The following AKAP13 variants were observed in gnomAD, a reference collection of about 807,000 sequenced individuals.
AKAP13 encodes A-kinase anchor protein 13.
Under a neutral mutation model 264.5 loss-of-function variants are expected in AKAP13, and 80 were observed. That is an observed-to-expected ratio of 0.30 (90% CI 0.25 to 0.36). The LOEUF (loss-of-function observed/expected upper bound fraction) is 0.36. AKAP13 is among the 10% of genes least tolerant of loss of function. The pLI, the probability that AKAP13 is intolerant of heterozygous loss-of-function variation, is 1.00. For missense variants in AKAP13, 3,712 were observed against 3,435.2 expected (o/e 1.08, Z -2.01); for synonymous variants, 1,380 against 1,250.2 (o/e 1.10, Z -2.19).
intron 16 of AKAP13, chr15:85,685,443 TTAAA>T (rs2084845610): frequency 6.6e-6 from 1 of 151,428 alleles, no homozygotes. Flanking sequence ...GATTAAGAGA[TTAAA>T]TAAATGTTTA....
Position 85,581,891 on chromosome 15 carries a change from G to A in AKAP13, c.3823G>A (p.Ala1275Thr). The A allele has an allele frequency of 6.2e-7, 1 of 1,614,166 alleles. No individual in the cohort carries two copies. Among genetic ancestry groups the A allele is most frequent in the Non-Finnish European group, 8.5e-7 (1 of 1,180,006 alleles). Residue 1275 changes from alanine (A) to threonine (T), a missense_variant, in exon 7 of 37, where the codon GCC becomes ACC. Transcript: ENST00000394518. ...TGGAGCACTGCTTACTGAGGGGGAG[G>A]CCTGTCACATGTCACTGTCCAGCCC... is the stretch of plus-strand genomic sequence containing the variant. ...AAGALLTEGE[A>T]CHMSLSSPEL... is the part of the protein sequence containing the mutation.
rs139090222 is a variant in AKAP13, at chr15:85,694,624, G to A, written c.5464+1173G>A. 8.0e-3 allele frequency among the ~76,000 whole-genome samples: 1,220 copies of A among 152,310 alleles called. 16 individuals are homozygous for A. Among genetic ancestry groups the A allele is most frequent in the African/African-American group, 0.027 (1,128 of 41,576 alleles). ...TTAGCCCACAGACCATAATTTGCAC[G>A]TTTTTGCTGTAAGGCAGTGCATCTC... On this transcript the variant is annotated intron_variant, in intron 17 of 36. Coordinates refer to ENST00000394518, the MANE Select transcript of AKAP13 (RefSeq NM_007200.5).
intron 3 of AKAP13, among the ~76,000 whole-genome samples, chr15:85,525,251 G>C (rs1487341975): frequency 6.6e-6 from 1 of 151,802 alleles, no homozygotes; most frequent in African/African-American, 2.4e-5. Context: ...GTAGAGACAG[G>C]GTTTCACCGT....
chr15:85,503,530 A>T (rs558813585), intron 2 of AKAP13, among the ~76,000 whole-genome samples: 4 of 152,210 alleles, frequency 2.6e-5, no homozygotes, highest in African/African-American at 7.2e-5. Context: ...GTTAGGAATG[A>T]TGTGTGACCA....
In AKAP13 at chr15:85,746,313, GT is replaced by G; in HGVS notation, c.*1645del. ...TTATTGTATTTGTGTGTTTGTGTTT[GT>G]TTTTTTTTAAGGGTGAGCCAGGTCT... On this transcript the variant is annotated 3_prime_UTR_variant, in exon 37 of 37. Coordinates refer to ENST00000394518, the MANE Select transcript of AKAP13 (RefSeq NM_007200.5). 1 of 151,074 alleles carries G rather than the reference GT, an allele frequency of 6.6e-6. No homozygotes were observed. The highest frequency in any genetic ancestry group is 1.5e-5 in the Non-Finnish European group (1 of 67,610). The allele number at this position is 151,074 out of a possible 1,614,324, so 9.4% of individuals were successfully genotyped here. A position where few individuals can be genotyped will look rare whatever the true frequency, so the allele number is the denominator to read the frequency against.
At chr15:85,571,701 A>G (rs1030783438) in intron 5 of AKAP13, among the ~76,000 whole-genome samples, 2 of 152,250 alleles carry the variant, frequency 1.3e-5, no homozygotes, top group Non-Finnish European at 2.9e-5. Flanking sequence ...TGTTCGACAG[A>G]ACAGGGATTT....
rs1428228736 is a variant in AKAP13 at position 85,579,637 on chromosome 15, C to T, written c.1569C>T (p.Val523=). The change falls in exon 7 of 37, where the codon GTC becomes GTT. Residue 523 remains valine (V), a synonymous_variant. Coordinates refer to ENST00000394518, the MANE Select transcript of AKAP13 (RefSeq NM_007200.5). ...IGTAGASDVH[V]TSKPVDKISV... is the part of the protein sequence containing the mutation. ...CAGCTGGAGCCTCTGACGTGCACGTCACAAGTAAGCCTGTGGATAAAATCA... is the reference window on the plus strand; with the variant it reads ...CAGCTGGAGCCTCTGACGTGCACGTTACAAGTAAGCCTGTGGATAAAATCA... 19 of 1,614,216 alleles carry T rather than the reference C, an allele frequency of 1.2e-5. No individual in the cohort carries two copies. Among genetic ancestry groups the T allele is most frequent in the Non-Finnish European group, 1.6e-5 (19 of 1,180,040 alleles).
At chr15:85,545,717 G>A (rs912459687) in intron 5 of AKAP13, among the ~76,000 whole-genome samples, 1 of 152,202 alleles carries the variant, frequency 6.6e-6, no homozygotes, top group African/African-American at 2.4e-5. Context: ...GGGGGCGATT[G>A]TCCCAAATCA....
chr15:85,506,573 CAGAAAGTA>C (rs1359011753), intron 2 of AKAP13, among the ~76,000 whole-genome samples: 2 of 151,858 alleles, frequency 1.3e-5, no homozygotes, highest in Non-Finnish European at 2.9e-5. Flanking sequence ...AAATACGTGT[CAGAAAGTA>C]AATGATGCTA....
chr15:85,449,233 C>G (rs1309352532), intron 1 of AKAP13, among the ~76,000 whole-genome samples: 2 of 151,968 alleles, frequency 1.3e-5, no homozygotes, highest in Non-Finnish European at 2.9e-5. Flanking sequence ...GATTTGGTTG[C>G]TGTTGGTATA....
chr15:85,538,885 C>T (rs551866596), intron 4 of AKAP13, among the ~76,000 whole-genome samples: 2 of 150,188 alleles, frequency 1.3e-5, no homozygotes, highest in South Asian at 2.1e-4. Context: ...GGCTAGAGTG[C>T]AGTGGTGCGA....
At position 85,702,027 on chromosome 15, in the gene AKAP13, C is replaced by T. The variant is rs144758441; in HGVS notation, c.5465-5992C>T. The T allele has an allele frequency of 5.4e-3, 826 of 152,070 alleles. 2 individuals carry two copies. The highest frequency in any genetic ancestry group is 9.5e-3 in the Non-Finnish European group (644 of 68,020). 9.4% of individuals were successfully genotyped at this position (152,070 alleles called of 1,614,324 possible). A position where few individuals can be genotyped will look rare whatever the true frequency, so the allele number is the denominator to read the frequency against. Reference sequence around the variant, plus strand: ...TTAGGAGGGCAAGGCAGGTGGATCACGAGATCAGGCGTTCAAGACCAGCCT... The same window carrying T: ...TTAGGAGGGCAAGGCAGGTGGATCATGAGATCAGGCGTTCAAGACCAGCCT... On this transcript the variant is annotated intron_variant, in intron 17 of 36. Coordinates refer to ENST00000394518, the MANE Select transcript of AKAP13 (RefSeq NM_007200.5).
chr15:85,460,486 T>G (rs2074469443), intron 1 of AKAP13, among the ~76,000 whole-genome samples: 1 of 152,206 alleles, frequency 6.6e-6, no homozygotes, highest in South Asian at 2.1e-4. Context: ...TATTGAGCCA[T>G]TTATGATACT....
intron 8 of AKAP13, among the ~76,000 whole-genome samples, chr15:85,596,399 A>C (rs2079827564): frequency 6.6e-6 from 1 of 152,048 alleles, no homozygotes; most frequent in Admixed American, 6.6e-5. Context: ...TGAGCCTAGG[A>C]GTTCGCAACC....
At position 85,722,345 on chromosome 15, in the gene AKAP13, A is replaced by G. The variant is rs928177484; in HGVS notation, c.6494A>G (p.Lys2165Arg). 1 of 1,606,258 alleles carries G rather than the reference A, an allele frequency of 6.2e-7. No individual in the cohort carries two copies. Among genetic ancestry groups the G allele is most frequent in the African/African-American group, 1.3e-5 (1 of 74,540 alleles). ...TTCCAAAGAATATTGCAGTGTACCA[A>G]AGGTAAGTCTCCTTTCTAACTCGGT... ...VLFQRILQCT[K>R]DNEVEQEDLA... The change falls in exon 25 of 37, where the codon AAA (lysine) becomes AGA (arginine). Residue 2165 changes from lysine to arginine, a missense_variant and splice_region_variant. Physicochemically the swap from Lys to Arg is conservative, Grantham distance 26 (BLOSUM62 2). This residue lies in a region of AKAP13 where 342 missense variants were observed against 484.3 expected (regional missense o/e 0.71). Transcript: ENST00000394518.
At chr15:85,637,935 G>A (rs1343342857) in intron 8 of AKAP13, among the ~76,000 whole-genome samples, 1 of 148,064 alleles carries the variant, frequency 6.8e-6, no homozygotes, top group Non-Finnish European at 1.5e-5. Context: ...GAGTGCAGTG[G>A]CGCGATCTTC....
chr15:85,506,437 C>G (rs1274438399), intron 2 of AKAP13, among the ~76,000 whole-genome samples: 1 of 152,096 alleles, frequency 6.6e-6, no homozygotes, highest in African/African-American at 2.4e-5. Flanking sequence ...GGTCCCACCT[C>G]TCAGGAAGCT....
intron 3 of AKAP13, among the ~76,000 whole-genome samples, chr15:85,531,394 A>T (rs775143103): frequency 6.6e-6 from 1 of 152,056 alleles, no homozygotes; most frequent in Non-Finnish European, 1.5e-5. Flanking sequence ...ACTCATCTTC[A>T]CCTTCTGATC....
At chr15:85,404,328 T>C (rs186237378) in intron 1 of AKAP13, among the ~76,000 whole-genome samples, 70 of 152,316 alleles carry the variant, frequency 4.6e-4, no homozygotes, top group African/African-American at 1.6e-3. Flanking sequence ...TAGTTCCTCA[T>C]TGCCCACCGA....
Sources: allele counts gnomAD v4.1 joint callset (sites outside exome capture counted in the v4.1 genomes callset), GRCh38; gene constraint gnomAD v4.1.1; regional missense constraint gnomAD v4.1.1; transcripts MANE v1.5; gene names NCBI Gene and HGNC (gene_info 2026-07-23, HGNC 2026-07-21).